The following RNF212B variants were observed in gnomAD, a reference collection of about 807,000 sequenced individuals.
RNF212B encodes E3 ubiquitin-protein ligase RNF212B.
In RNF212B, 52 loss-of-function variants were observed where a neutral mutation model predicts 55.5. That is an observed-to-expected ratio of 0.94 (90% CI 0.75 to 1.18). RNF212B has a LOEUF of 1.18. Ranked by LOEUF, RNF212B falls within the 50% of genes most tolerant of loss-of-function variation. The probability of loss-of-function intolerance (pLI) is 0.00; values close to 1 mark genes in which losing one functional copy is unlikely to be tolerated. For synonymous variants in RNF212B, 99 were observed against 121.4 expected (o/e 0.82, Z 1.21); for missense variants, 289 against 350.4 (o/e 0.82, Z 1.40).
At chr14:23,206,969 G>T (rs759880029) in intron 2 of RNF212B, among the ~76,000 whole-genome samples, 26 of 150,486 alleles carry the variant, frequency 1.7e-4, no homozygotes, top group Non-Finnish European at 3.4e-4. Flanking sequence ...ACAAAAACAT[G>T]AAGGCCTTTC....
chr14:23,215,290 G>A (rs114146292), intron 2 of RNF212B, among the ~76,000 whole-genome samples: 7,772 of 152,148 alleles, frequency 0.051, 696 homozygotes, highest in African/African-American at 0.18. Context: ...GCAGAACTGT[G>A]AGTCAATTAA....
intron 2 of RNF212B, among the ~76,000 whole-genome samples, chr14:23,194,330 T>C (rs1198364975): frequency 6.6e-6 from 1 of 152,102 alleles, no homozygotes; most frequent in Non-Finnish European, 1.5e-5. Flanking sequence ...ATCTTGAACT[T>C]CTAAGTACCT....
chr14:23,257,444 A>G (rs1186895415), intron 4 of RNF212B, among the ~76,000 whole-genome samples: 2 of 152,210 alleles, frequency 1.3e-5, no homozygotes, highest in African/African-American at 4.8e-5. Context: ...TTTACTTTCA[A>G]GTAGAAAGGA....
chr14:23,197,313 G>C (rs1878815417), intron 2 of RNF212B, among the ~76,000 whole-genome samples: 1 of 152,192 alleles, frequency 6.6e-6, no homozygotes, highest in Non-Finnish European at 1.5e-5. Flanking sequence ...GATTTCATGA[G>C]GCCATGAGTT....
chr14:23,263,754 A>C (rs6573082), intron 9 of RNF212B, among the ~76,000 whole-genome samples: 31,045 of 151,540 alleles, frequency 0.2, 4,761 homozygotes, highest in African/African-American at 0.44. Flanking sequence ...CCCTTCCCCC[A>C]AAAAAAACGA....
chr14:23,220,787 T>C (rs1333571952), intron 2 of RNF212B, among the ~76,000 whole-genome samples: 5 of 151,550 alleles, frequency 3.3e-5, no homozygotes, highest in Non-Finnish European at 7.4e-5. Context: ...ATTGCACCAC[T>C]GCACTCCAGC....
chr14:23,221,736 G>A (rs532470162), intron 2 of RNF212B, among the ~76,000 whole-genome samples: 1 of 152,208 alleles, frequency 6.6e-6, no homozygotes, highest in African/African-American at 2.4e-5. Flanking sequence ...CGATATGTTA[G>A]GTCACCAAAC....
chr14:23,214,224 C>T (rs1194617796), intron 2 of RNF212B, among the ~76,000 whole-genome samples: 3 of 152,050 alleles, frequency 2.0e-5, no homozygotes, highest in African/African-American at 7.2e-5. Context: ...CTGGGCATGG[C>T]GGCTCAAGCC....
intron 2 of RNF212B, among the ~76,000 whole-genome samples, chr14:23,221,074 A>G (rs1010610548): frequency 2.6e-5 from 4 of 151,986 alleles, no homozygotes; most frequent in African/African-American, 9.7e-5. Context: ...AAAAGACACA[A>G]TGATCTGTCA....
rs540289256 is a variant in RNF212B at position 23,224,373 on chromosome 14, A to C, written c.-1-15972A>C. On this transcript the variant is annotated intron_variant, in intron 2 of 15. Transcript: ENST00000399910. ...ATTATACTGCAGAGCTAAAGTAACC[A>C]AAACAGCATGCTACTAGCATAAAAC... 6.6e-5 allele frequency among the ~76,000 whole-genome samples: 10 copies of C among 152,362 alleles called. No individual in the cohort carries two copies. In the South Asian group the frequency reaches 2.1e-3, roughly 32 times the overall value.
At chr14:23,208,969 G>GGA (rs1880187667) in intron 2 of RNF212B, among the ~76,000 whole-genome samples, 1 of 151,064 alleles carries the variant, frequency 6.6e-6, no homozygotes, top group African/African-American at 2.4e-5. Context: ...CGTGTTAGCC[G>GGA]GGATGGTCTC....
At chr14:23,192,071 T>A (rs10782427) in intron 1 of RNF212B, among the ~76,000 whole-genome samples, 1 of 150,980 alleles carries the variant, frequency 6.6e-6, no homozygotes, top group East Asian at 2.0e-4. Flanking sequence ...AATAGGAACA[T>A]TTTTACACTG....
chr14:23,220,338 C>A (rs1168248114), intron 2 of RNF212B, among the ~76,000 whole-genome samples: 1 of 151,964 alleles, frequency 6.6e-6, no homozygotes, highest in Admixed American at 6.6e-5. Context: ...TCAAGACCAG[C>A]CTGGCTAACA....
chr14:23,209,963 G>A (rs1880317458), intron 2 of RNF212B, among the ~76,000 whole-genome samples: 1 of 152,098 alleles, frequency 6.6e-6, no homozygotes, highest in Admixed American at 6.6e-5. Flanking sequence ...GACCAGCCTG[G>A]CCAACATGAT....
Position 23,239,202 on chromosome 14 carries a change from C to T in RNF212B, c.-1-1143C>T, listed in dbSNP as rs1284537057. Among the ~76,000 whole-genome samples, 4 of 152,040 alleles carry T rather than the reference C, an allele frequency of 2.6e-5. No individual in the cohort carries two copies. The East Asian group carries it at 5.8e-4, about 22-fold the overall frequency. ...CTTCCCAAGTAGCTGGGGTTACAGG[C>T]GTGCACCACCACACCCAGCTAATTT... is the stretch of plus-strand genomic sequence containing the variant. On this transcript the variant is annotated intron_variant, in intron 1 of 14. Transcript: ENST00000430154.
At chr14:23,258,076 C>T (rs998891940) in intron 4 of RNF212B, among the ~76,000 whole-genome samples, 11 of 152,156 alleles carry the variant, frequency 7.2e-5, no homozygotes, top group East Asian at 3.9e-4. Flanking sequence ...CGGTGGCTCA[C>T]GCCTGTAATC....
At chr14:23,254,344 T>A (rs10400701) in intron 4 of RNF212B, among the ~76,000 whole-genome samples, 55,734 of 118,114 alleles carry the variant, frequency 0.47, 13,504 homozygotes, top group African/African-American at 0.72. Context: ...AAACAAAAAC[T>A]AAAACTAAAA....
chr14:23,241,369 C>T (rs1410157696), intron 2 of RNF212B, among the ~76,000 whole-genome samples: 1 of 152,118 alleles, frequency 6.6e-6, no homozygotes, highest in African/African-American at 2.4e-5. Flanking sequence ...AGGCTCTATA[C>T]ACTGGGCTAA....
intron 14 of RNF212B, chr14:23,272,416 C>T (rs1886172581): frequency 8.0e-6 from 2 of 251,036 alleles, no homozygotes; most frequent in Non-Finnish European, 1.6e-5. Flanking sequence ...GAGACTCCAT[C>T]TCAAAAAAAC....
Sources: allele counts gnomAD v4.1 joint callset (sites outside exome capture counted in the v4.1 genomes callset), GRCh38; gene constraint gnomAD v4.1.1; transcripts MANE v1.5; gene names NCBI Gene and HGNC (gene_info 2026-07-23, HGNC 2026-07-21).